PRICKLE3: variants seen among roughly 807,000 people sequenced by gnomAD.
PRICKLE3 encodes LIM domain only protein 6.
A neutral mutation model predicts 33.8 loss-of-function variants in PRICKLE3; 17 were observed. That is an observed-to-expected ratio of 0.50 (90% CI 0.34 to 0.75). The LOEUF (loss-of-function observed/expected upper bound fraction) is 0.75. PRICKLE3 is among the 30% of genes least tolerant of loss of function. The pLI, the probability that PRICKLE3 is intolerant of heterozygous loss-of-function variation, is 0.01. For synonymous variants in PRICKLE3, 211 were observed against 219.6 expected (o/e 0.96, Z 0.34); for missense variants, 573 against 576.7 (o/e 0.99, Z 0.07).
Position 49,178,461 on chromosome X carries a change from A to G in PRICKLE3, c.579T>C (p.Ile193=). The G allele has an allele frequency of 8.3e-7, 1 of 1,209,215 alleles. No individual in the cohort carries two copies. The highest frequency in any genetic ancestry group is 1.1e-6 in the Non-Finnish European group (1 of 893,084). ...CAAACACTGCGATGTCCCCACCTCC[A>G]ATCTGCTTTCCGCACTGCCATGAGA... The part of the protein sequence containing the change: ...GAICEECGKQ[I]GGGDIAVFAS... The change falls in exon 6 of 9, where the codon ATT becomes ATC. Residue 193 remains isoleucine, a synonymous_variant. Coordinates refer to ENST00000599218, the MANE Select transcript of PRICKLE3 (RefSeq NM_006150.5).
intron 1 of PRICKLE3, 174 bp from the exon 2 acceptor site, chrX:49,184,884 C>T (rs1451330794): frequency 1.1e-5 from 13 of 1,139,326 alleles, no homozygotes; most frequent in Non-Finnish European, 1.5e-5. Context: ...GGGACACAAC[C>T]GAGGCAGAGG....
rs781809915 is a variant in PRICKLE3, at chrX:49,184,685, C to T, written c.68G>A (p.Arg23Gln). The change falls in exon 2 of 9, where the codon CGG becomes CAG. Residue 23 changes from arginine (R) to glutamine (Q), a missense_variant. By Grantham distance (43) the Arg-to-Gln change is conservative. Transcript: ENST00000599218. ...RAPPEAEDPD[R>Q]GQPCNSCREQ... The stretch of plus-strand genomic sequence containing the variant: ...CCTACAGGAGTTGCAGGGCTGGCCC[C>T]GGTCTGGGTCCTCTGCCTCTGGAGG... The T allele has an allele frequency of 6.1e-5, 71 of 1,156,141 alleles. No individual in the cohort carries two copies. In the South Asian group the frequency reaches 1.0e-3, roughly 17 times the overall value.
Position 49,176,180 on chromosome X carries a change from G to T in PRICKLE3, c.1341C>A (p.Pro447=), listed in dbSNP as rs781882354. 1.7e-6 allele frequency: 2 copies of T among 1,184,915 alleles called. No homozygotes were observed. The highest frequency in any genetic ancestry group is 3.8e-5 in the South Asian group (2 of 52,455). The change falls in exon 9 of 9, where the codon CCC becomes CCA. Residue 447 remains proline (P), a synonymous_variant. Coordinates refer to ENST00000599218, the MANE Select transcript of PRICKLE3 (RefSeq NM_006150.5). ...GGCCGGGGGACTCTGGGGGCGGCTC[G>T]GGGACACTGCGGAGCCCCAGTTCCG... ...SMPELGLRSV[P]EPPPESPGQP...
chrX:49,179,542 G>A, intron 4 of PRICKLE3, 151 bp downstream of exon 4: 3 of 949,422 alleles, frequency 3.2e-6, no homozygotes, highest in Non-Finnish European at 4.4e-6. Flanking sequence ...AGGCCCAGCT[G>A]TGGTTTTGCC....
chrX:49,179,510 G>T, intron 4 of PRICKLE3, 122 bp from the exon 5 acceptor site: 1 of 1,022,427 alleles, frequency 9.8e-7, no homozygotes, highest in Non-Finnish European at 1.4e-6. Flanking sequence ...CCTCCTGCCT[G>T]AAGTAACCAC....
At chrX:49,179,211 C>A in intron 5 of PRICKLE3, 40 bp downstream of exon 5, 1 of 1,197,948 alleles carries the variant, frequency 8.3e-7, no homozygotes. Context: ...GGGCTTGGAG[C>A]AGAGGCACTG....
Position 49,174,945 on chromosome X carries a change from C to A in PRICKLE3, c.*728G>T, listed in dbSNP as rs1244490475. The A allele has an allele frequency of 9.1e-6, 4 of 440,129 alleles. No individual in the cohort carries two copies. The highest frequency in any genetic ancestry group is 1.6e-5 in the Non-Finnish European group (4 of 250,491). The allele number at this position is 440,129 out of a possible 1,213,427, so 36.3% of individuals were successfully genotyped here. A position where few individuals can be genotyped will look rare whatever the true frequency, so the allele number is the denominator to read the frequency against. Reference sequence around the variant, plus strand: ...GACACCAGTTCTGACTGAACCATGCCCCCACCTAAGTCACAAAATGAGGGA... The same window carrying A: ...GACACCAGTTCTGACTGAACCATGCACCCACCTAAGTCACAAAATGAGGGA... On this transcript the variant is annotated 3_prime_UTR_variant, in exon 9 of 9. Transcript: ENST00000599218.
intron 3 of PRICKLE3, among the ~76,000 whole-genome samples, chrX:49,183,087 G>T (rs1296116544): frequency 1.8e-5 from 2 of 112,201 alleles, no homozygotes; most frequent in Non-Finnish European, 3.8e-5. Flanking sequence ...GCCTCCCGAA[G>T]TGCTGGGATT....
chrX:49,177,708 A>G (rs2065426925), intron 7 of PRICKLE3, among the ~76,000 whole-genome samples: 1 of 111,888 alleles, frequency 8.9e-6, no homozygotes, highest in African/African-American at 3.2e-5. Context: ...AGAGGCTAGG[A>G]GTAGGGCGAG....
intron 8 of PRICKLE3, among the ~76,000 whole-genome samples, chrX:49,176,472 G>C (rs1435784165): frequency 2.7e-5 from 3 of 110,140 alleles, no homozygotes; most frequent in Non-Finnish European, 5.7e-5. Flanking sequence ...GGAAGAACAC[G>C]GAGCAAGATG....
At position 49,183,898 on chromosome X, in the gene PRICKLE3, T is replaced by C. The variant is rs782402144; in HGVS notation, c.148A>G (p.Lys50Glu). The part of the protein sequence containing the change: ...HGWRKICQHC[K>E]CPREEHAVHA... ...ACTGCATGCTCCTCCCGCGGGCATT[T>C]GCAATGCTGGCAGATCTTTCTGAGG... The change falls in exon 3 of 9, where the codon AAA becomes GAA. Residue 50 changes from lysine (K) to glutamate (E), a missense_variant. Physicochemically the swap from Lys to Glu is moderately conservative, Grantham distance 56. Coordinates refer to ENST00000599218, the MANE Select transcript of PRICKLE3 (RefSeq NM_006150.5). The C allele has an allele frequency of 1.2e-5, 14 of 1,205,469 alleles. No homozygotes were observed. The Admixed American group carries it at 2.0e-4, about 17-fold the overall frequency.
At position 49,186,257 on chromosome X, in the gene PRICKLE3, G is replaced by T; in HGVS notation, c.41C>A (p.Ala14Glu). ...RGSRRRRSGR[A>E]PPEAEDPDRG... The stretch of plus-strand genomic sequence containing the variant: ...ACCGCTGCCCTGACTCCCGCTCACC[G>T]CACGCCCGGAGCGGCGCCTCCGGGA... The change falls in exon 1 of 9, where the codon GCG becomes GAG. Residue 14 changes from alanine to glutamate, a missense_variant and splice_region_variant. Physicochemically the swap from Ala to Glu is moderately radical, Grantham distance 107 (BLOSUM62 -1). Transcript: ENST00000599218. 1.7e-6 allele frequency: 2 copies of T among 1,155,057 alleles called. No homozygotes were observed. Among genetic ancestry groups the T allele is most frequent in the Non-Finnish European group, 2.3e-6 (2 of 867,719 alleles).
Position 49,183,876 on chromosome X carries a change from G to A in PRICKLE3, c.170C>T (p.Ala57Val). 1 of 1,210,638 alleles carries A rather than the reference G, an allele frequency of 8.3e-7. No individual in the cohort carries two copies. The highest frequency in any genetic ancestry group is 1.8e-5 in the South Asian group (1 of 56,952). The change falls in exon 3 of 9, where the codon GCA becomes GTA. Residue 57 changes from alanine (A) to valine (V), a missense_variant. By Grantham distance (64) the Ala-to-Val change is moderately conservative (BLOSUM62 0). Coordinates refer to ENST00000599218, the MANE Select transcript of PRICKLE3 (RefSeq NM_006150.5). ...CAGGTCCACAGGCACCGCGTGCACTGCATGCTCCTCCCGCGGGCATTTGCA... is the reference window on the plus strand; with the variant it reads ...CAGGTCCACAGGCACCGCGTGCACTACATGCTCCTCCCGCGGGCATTTGCA... ...QHCKCPREEH[A>V]VHAVPVDLER...
rs910914419 is a variant in PRICKLE3, at chrX:49,178,078, A to G, written c.870T>C (p.Tyr290=). 11 of 1,177,358 alleles carry G rather than the reference A, an allele frequency of 9.3e-6. No homozygotes were observed. In the African/African-American group the frequency reaches 1.4e-4, roughly 15 times the overall value. ...AGTGGGGGCGGCTCTGACGCATGAC[A>G]TAGCGCTGCCCTCCTAGTGAAGCTT... is the stretch of plus-strand genomic sequence containing the variant. ...ECEASLGGQR[Y]VMRQSRPHCC... is the part of the protein sequence containing the mutation. Residue 290 remains tyrosine, a synonymous_variant, in exon 7 of 9, where the codon TAT becomes TAC. Transcript: ENST00000599218.
intron 4 of PRICKLE3, 135 bp from the exon 5 acceptor site, chrX:49,179,523 C>T (rs1018892120): frequency 4.0e-6 from 4 of 995,798 alleles, no homozygotes; most frequent in Middle Eastern, 5.0e-4. Flanking sequence ...GTAACCACCT[C>T]TTCTTCCAAG....
In PRICKLE3 at chrX:49,175,805, C is replaced by T. The variant is rs1557099827; in HGVS notation, c.1716G>A (p.Pro572=). 8.3e-7 allele frequency: 1 copy of T among 1,212,009 alleles called. No homozygotes were observed. Among genetic ancestry groups the T allele is most frequent in the Non-Finnish European group, 1.1e-6 (1 of 895,486 alleles). The change falls in exon 9 of 9, where the codon CCG becomes CCA. Residue 572 remains proline, a synonymous_variant. Coordinates refer to ENST00000599218, the MANE Select transcript of PRICKLE3 (RefSeq NM_006150.5). ...FFLGERIPLP[P]HLCRPMPAQD... is the part of the protein sequence containing the mutation. ...GAGCAGGCATGGGCCTGCACAAATG[C>T]GGGGGCAGAGGGATGCGCTCTCCTA...
chrX:49,186,088 C>T (rs1240573691), intron 1 of PRICKLE3, among the ~76,000 whole-genome samples, 168 bp downstream of exon 1: 2 of 110,895 alleles, frequency 1.8e-5, no homozygotes, highest in Non-Finnish European at 3.8e-5. Context: ...AGATCTACAC[C>T]TTCCTCCATC....
chrX:49,179,660 C>CT (rs1327661181), intron 4 of PRICKLE3, 33 bp downstream of exon 4: 1 of 1,074,355 alleles, frequency 9.3e-7, no homozygotes, highest in East Asian at 3.2e-5. Context: ...TGTGCTGTGC[C>CT]TGGCATGCCC....
At position 49,177,121 on chromosome X, in the gene PRICKLE3, C is replaced by T. The variant is rs371383789; in HGVS notation, c.1037G>A (p.Arg346Gln). The T allele has an allele frequency of 4.8e-5, 58 of 1,197,823 alleles. 1 individual carries two copies. The African/African-American group carries it at 7.0e-4, about 14-fold the overall frequency. ...CAGGAATGGGCGGCCCAGCAGGGCC[C>T]GCCCACAGCGACTACAGCAGAAGCA... ...DRCFCCSRCG[R>Q]ALLGRPFLPR... Residue 346 changes from arginine to glutamine, a missense_variant, in exon 8 of 9, where the codon CGG (arginine) becomes CAG (glutamine). Arg to Gln is a conservative substitution (Grantham distance 43, BLOSUM62 1). Transcript: ENST00000599218.
Sources: gnomAD v4.1 joint callset for allele counts (sites outside exome capture counted in the v4.1 genomes callset) on GRCh38, gnomAD v4.1.1 for gene constraint, MANE v1.5 for transcripts, NCBI Gene and HGNC (gene_info 2026-07-23, HGNC 2026-07-21) for gene names.